CYP39A1: variants seen among roughly 807,000 people sequenced by gnomAD.
CYP39A1 encodes the protein cytochrome P450 family 39 subfamily A member 1.
CYP39A1 carries 49 observed loss-of-function variants against 58.1 expected under a neutral mutation model. The observed-to-expected ratio is 0.84, with a 90% CI of 0.67 to 1.07. CYP39A1 has a LOEUF of 1.07. CYP39A1 is among the 50% of genes least tolerant of loss of function. The pLI, the probability that CYP39A1 is intolerant of heterozygous loss-of-function variation, is 0.00. For synonymous variants in CYP39A1, 209 were observed against 187.6 expected (o/e 1.11, Z -0.93); for missense variants, 531 against 539.4 (o/e 0.98, Z 0.16).
At chr6:46,639,423 C>T in intron 3 of CYP39A1, 71 bp downstream of exon 3, 1 of 1,414,100 alleles carries the variant, frequency 7.1e-7, no homozygotes, top group Non-Finnish European at 9.8e-7. Flanking sequence ...GTTTGAAGTC[C>T]AATCTATAGG....
chr6:46,572,710 A>C (rs1349798825), intron 10 of CYP39A1, among the ~76,000 whole-genome samples: 1 of 152,078 alleles, frequency 6.6e-6, no homozygotes, highest in African/African-American at 2.4e-5. Flanking sequence ...TATCTCTCTC[A>C]GGGTTCGGGA....
intron 5 of CYP39A1, among the ~76,000 whole-genome samples, chr6:46,632,456 A>G (rs1200673541): frequency 6.9e-6 from 1 of 145,966 alleles, no homozygotes; most frequent in Non-Finnish European, 1.5e-5. Context: ...CCCTGGCTCT[A>G]TTTGTCAGGT....
intron 7 of CYP39A1, among the ~76,000 whole-genome samples, chr6:46,604,341 A>C (rs896811095): frequency 3.9e-5 from 6 of 152,176 alleles, no homozygotes; most frequent in African/African-American, 1.2e-4. Flanking sequence ...CCTCTCAGCT[A>C]TCCCGATTTT....
intron 7 of CYP39A1, among the ~76,000 whole-genome samples, chr6:46,609,055 T>C (rs1774034191): frequency 6.6e-6 from 1 of 152,170 alleles, no homozygotes. Context: ...AATTATTCTT[T>C]TAATTTTGAA....
At chr6:46,622,474 A>G (rs911049600) in intron 7 of CYP39A1, among the ~76,000 whole-genome samples, 2 of 150,884 alleles carry the variant, frequency 1.3e-5, no homozygotes, top group African/African-American at 5.0e-5. Context: ...GAAGCCCAAT[A>G]TGCTGGCACA....
At chr6:46,624,889 C>T (rs9463229) in intron 7 of CYP39A1, among the ~76,000 whole-genome samples, 47,107 of 151,910 alleles carry the variant, frequency 0.31, 9,149 homozygotes, top group African/African-American at 0.55. Flanking sequence ...CTATTTGCAG[C>T]TCCTAAATCC....
chr6:46,550,904 G>T (rs908741223), intron 11 of CYP39A1, among the ~76,000 whole-genome samples: 1 of 151,986 alleles, frequency 6.6e-6, no homozygotes, highest in African/African-American at 2.4e-5. Context: ...TATTTTTTTT[G>T]AGAGGAGTCT....
chr6:46,549,616 A>G lies in CYP39A1; in HGVS notation c.*750T>C, dbSNP rs1311184079. ...TACCGTTATATTTGTGTTTCTATGC[A>G]TTAGCAAAAATATGGTATCTGCCAA... On this transcript the variant is annotated 3_prime_UTR_variant, in exon 12 of 12. Coordinates refer to ENST00000275016, the MANE Select transcript of CYP39A1 (RefSeq NM_016593.5). 6.6e-6 allele frequency: 1 copy of G among 152,186 alleles called. No individual in the cohort carries two copies. Among genetic ancestry groups the G allele is most frequent in the Non-Finnish European group, 1.5e-5 (1 of 68,032 alleles). The allele number at this position is 152,186 out of a possible 1,614,324, so 9.4% of individuals were successfully genotyped here.
rs545425113 is a variant in CYP39A1 at position 46,602,147 on chromosome 6, AATGGATGGATGGATGG to A, written c.932-6043_932-6028del. Among the ~76,000 whole-genome samples, 118 of 152,124 alleles carry A rather than the reference AATGGATGGATGGATGG, an allele frequency of 7.8e-4. 1 individual carries two copies. The East Asian group carries it at 0.016, about 21-fold the overall frequency. On this transcript the variant is annotated intron_variant, in intron 7 of 11. Coordinates refer to ENST00000275016, the MANE Select transcript of CYP39A1 (RefSeq NM_016593.5). ...TCTATATATTTTTATTGAATAAATG[AATGGATGGATGGATGG>A]ATGGATGGATGAATGCATGTCTAAA...
At chr6:46,634,149 G>A (rs545181357) in intron 5 of CYP39A1, among the ~76,000 whole-genome samples, 1 of 152,290 alleles carries the variant, frequency 6.6e-6, no homozygotes, top group East Asian at 1.9e-4. Context: ...CGAATCATGG[G>A]AGCAGGTCTT....
chr6:46,625,831 A>G (rs987809467), intron 6 of CYP39A1, among the ~76,000 whole-genome samples: 3 of 152,112 alleles, frequency 2.0e-5, no homozygotes, highest in African/African-American at 7.2e-5. Context: ...TTATATAGGC[A>G]TATATTAAAT....
chr6:46,569,625 T>C (rs892336573), intron 10 of CYP39A1, among the ~76,000 whole-genome samples: 1 of 152,140 alleles, frequency 6.6e-6, no homozygotes, highest in Admixed American at 6.5e-5. Context: ...TCCATTGATA[T>C]AATCATATAA....
chr6:46,641,203 T>G (rs1372070990), intron 2 of CYP39A1, among the ~76,000 whole-genome samples: 1 of 152,048 alleles, frequency 6.6e-6, no homozygotes, highest in Non-Finnish European at 1.5e-5. Flanking sequence ...ACTTAGTAAA[T>G]TTTTCTGAAG....
chr6:46,616,193 TC>T (rs1774571627), intron 7 of CYP39A1, among the ~76,000 whole-genome samples: 4 of 1,144 alleles, frequency 3.5e-3, no homozygotes, highest in Non-Finnish European at 4.2e-3. Context: ...CTTTCTTCTT[TC>T]CCTCCCTCCC....
intron 7 of CYP39A1, among the ~76,000 whole-genome samples, chr6:46,610,634 G>A (rs778804210): frequency 2.6e-5 from 4 of 152,026 alleles, no homozygotes; most frequent in Non-Finnish European, 5.9e-5. Flanking sequence ...TGTGAGCCAC[G>A]GCACCTGGTC....
intron 1 of CYP39A1, among the ~76,000 whole-genome samples, chr6:46,649,068 T>C (rs1762510078): frequency 6.6e-6 from 1 of 152,224 alleles, no homozygotes; most frequent in African/African-American, 2.4e-5. Context: ...GTTTTTCTGT[T>C]GTAACAGAAT....
chr6:46,636,582 C>A, intron 4 of CYP39A1, 100 bp from the exon 5 acceptor site: 1 of 725,636 alleles, frequency 1.4e-6, no homozygotes, highest in Non-Finnish European at 2.3e-6. Context: ...AAAATTAGTT[C>A]TCCAAATTTA....
At chr6:46,586,609 T>C (rs563316649) in intron 10 of CYP39A1, 41 of 980,194 alleles carry the variant, frequency 4.2e-5, no homozygotes, top group Middle Eastern at 1.0e-3. Flanking sequence ...CTATAAAAGG[T>C]ATCAAAAGAA....
chr6:46,569,565 A>G (rs1276664978), intron 10 of CYP39A1, among the ~76,000 whole-genome samples: 2 of 151,968 alleles, frequency 1.3e-5, no homozygotes, highest in East Asian at 3.9e-4. Flanking sequence ...ATTTGTTGAC[A>G]GTTTTTTATC....
Sources: allele counts gnomAD v4.1 joint callset (sites outside exome capture counted in the v4.1 genomes callset), GRCh38; gene constraint gnomAD v4.1.1; transcripts MANE v1.5; gene names NCBI Gene and HGNC (gene_info 2026-07-23, HGNC 2026-07-21).